NRG3: variants seen among roughly 807,000 people sequenced by gnomAD.
NRG3 encodes the protein pro-neuregulin-3, membrane-bound isoform.
NRG3 carries 31 observed loss-of-function variants against 66.9 expected under a neutral mutation model. The observed-to-expected ratio is 0.46, with a 90% CI of 0.35 to 0.63. The LOEUF (loss-of-function observed/expected upper bound fraction) is 0.63. Among genes scored for constraint, NRG3 ranks in the 20% least tolerant of loss-of-function variants. The pLI, the probability that NRG3 is intolerant of heterozygous loss-of-function variation, is 0.00. For missense variants in NRG3, 910 were observed against 878.9 expected, an observed-to-expected ratio of 1.04 and a Z score of -0.45; for synonymous variants, 393 against 359.4, an observed-to-expected ratio of 1.09 and a Z score of -1.06.
At chr10:82,715,800 C>G (rs2056935329) in intron 2 of NRG3, among the ~76,000 whole-genome samples, 1 of 152,094 alleles carries the variant, frequency 6.6e-6, no homozygotes, top group Non-Finnish European at 1.5e-5. Flanking sequence ...TTTTTTCTCA[C>G]AGTTCTGGAG....
intron 2 of NRG3, among the ~76,000 whole-genome samples, chr10:82,541,912 T>A (rs550079820): frequency 1.1e-3 from 175 of 152,334 alleles, no homozygotes; most frequent in African/African-American, 4.0e-3. Flanking sequence ...CCAGACTTTT[T>A]AAAAACATTT....
At chr10:82,847,379 T>C (rs2063354319) in intron 3 of NRG3, among the ~76,000 whole-genome samples, 1 of 152,160 alleles carries the variant, frequency 6.6e-6, no homozygotes, top group Non-Finnish European at 1.5e-5. Context: ...AGTAGGCAAA[T>C]AGCAATGTCT....
chr10:81,930,320 C>T (rs138521293), intron 1 of NRG3, among the ~76,000 whole-genome samples: 6 of 152,220 alleles, frequency 3.9e-5, no homozygotes, highest in Non-Finnish European at 5.9e-5. Context: ...CTTCCCATGA[C>T]GTTCCTGAAG....
At chr10:82,076,425 G>C (rs2065094668) in intron 1 of NRG3, among the ~76,000 whole-genome samples, 1 of 152,142 alleles carries the variant, frequency 6.6e-6, no homozygotes, top group Admixed American at 6.5e-5. Flanking sequence ...TTACTTTGTG[G>C]AGCAACAGAA....
At chr10:81,958,709 G>T (rs1381210622) in intron 1 of NRG3, among the ~76,000 whole-genome samples, 1 of 152,104 alleles carries the variant, frequency 6.6e-6, no homozygotes, top group African/African-American at 2.4e-5. Context: ...GGCCAATATG[G>T]TGAAATCCTG....
chr10:82,269,006 G>A (rs1379704795), intron 1 of NRG3, among the ~76,000 whole-genome samples: 1 of 151,946 alleles, frequency 6.6e-6, no homozygotes, highest in African/African-American at 2.4e-5. Context: ...AACATTGTCT[G>A]TATTCACCGT....
At chr10:82,432,800 C>T (rs1218513340) in intron 2 of NRG3, among the ~76,000 whole-genome samples, 5 of 152,172 alleles carry the variant, frequency 3.3e-5, no homozygotes, top group Admixed American at 6.6e-5. Flanking sequence ...TAATCTCATT[C>T]CTTTTTATGG....
chr10:82,179,781 G>T (rs1399095823), intron 1 of NRG3, among the ~76,000 whole-genome samples: 1 of 151,686 alleles, frequency 6.6e-6, no homozygotes, highest in Non-Finnish European at 1.5e-5. Context: ...GATTGCCTTG[G>T]GGTTTTGGAA....
intron 2 of NRG3, among the ~76,000 whole-genome samples, chr10:82,488,081 G>C (rs1003540134): frequency 7.2e-5 from 11 of 152,262 alleles, no homozygotes; most frequent in Non-Finnish European, 1.3e-4. Flanking sequence ...TTTGTATGGA[G>C]AGAATGGGAG....
chr10:82,920,918 A>G (rs971039195), intron 4 of NRG3, among the ~76,000 whole-genome samples: 1 of 152,106 alleles, frequency 6.6e-6, no homozygotes, highest in African/African-American at 2.4e-5. Context: ...AAATAGACAA[A>G]TCTCTCATGC....
At chr10:82,252,608 G>A (rs746295730) in intron 1 of NRG3, among the ~76,000 whole-genome samples, 8 of 152,176 alleles carry the variant, frequency 5.3e-5, no homozygotes, top group South Asian at 2.1e-4. Context: ...CTAATAAAAT[G>A]AGGATTTGGA....
chr10:82,885,083 T>C (rs764841929), intron 4 of NRG3, among the ~76,000 whole-genome samples: 2 of 152,216 alleles, frequency 1.3e-5, no homozygotes, highest in Non-Finnish European at 2.9e-5. Context: ...TTTGGCTTGA[T>C]GTTATAATAG....
intron 1 of NRG3, among the ~76,000 whole-genome samples, chr10:82,218,681 C>T (rs1024925365): frequency 6.6e-6 from 1 of 152,132 alleles, no homozygotes; most frequent in African/African-American, 2.4e-5. Context: ...CCCCACATAT[C>T]TTTCTTCTTC....
intron 1 of NRG3, among the ~76,000 whole-genome samples, chr10:82,205,882 T>C (rs1733836622): frequency 6.6e-6 from 1 of 152,194 alleles, no homozygotes; most frequent in Non-Finnish European, 1.5e-5. Context: ...TAGGATCACA[T>C]TTCATTTATG....
intron 2 of NRG3, among the ~76,000 whole-genome samples, chr10:82,728,968 G>A (rs1409101927): frequency 1.3e-5 from 2 of 150,082 alleles, no homozygotes; most frequent in African/African-American, 4.8e-5. Flanking sequence ...AGGAATAAGG[G>A]CAGTGTTTGT....
chr10:81,925,452 G>C (rs972706136), intron 1 of NRG3, among the ~76,000 whole-genome samples: 4 of 152,138 alleles, frequency 2.6e-5, no homozygotes, highest in African/African-American at 9.7e-5. Context: ...AGATATGTAT[G>C]GACTTGGATC....
intron 3 of NRG3, among the ~76,000 whole-genome samples, chr10:82,770,598 C>A (rs929052844): frequency 2.0e-5 from 3 of 152,058 alleles, no homozygotes; most frequent in African/African-American, 7.2e-5. Flanking sequence ...GAAAAGCCCT[C>A]AGATCAGAGG....
At chr10:82,779,510 G>A (rs1293466267) in intron 3 of NRG3, among the ~76,000 whole-genome samples, 2 of 152,106 alleles carry the variant, frequency 1.3e-5, no homozygotes, top group South Asian at 2.1e-4. Flanking sequence ...TTGGTGGAGA[G>A]GGATGAGAGT....
chr10:82,716,561 C>T lies in NRG3; in HGVS notation c.954-22016C>T, dbSNP rs564180884. On this transcript the variant is annotated intron_variant, in intron 2 of 8. Coordinates refer to ENST00000372141, the MANE Select transcript of NRG3 (RefSeq NM_001010848.4). ...AAAGGGTGCAGATATAGAGGATGTA[C>T]GGTGCCCTGCTGATAAGAACTAAAC... 2.6e-5 allele frequency among the ~76,000 whole-genome samples: 4 copies of T among 152,256 alleles called. No individual in the cohort carries two copies. The East Asian group carries it at 5.8e-4, about 22-fold the overall frequency.
Sources: gnomAD v4.1 joint callset for allele counts (sites outside exome capture counted in the v4.1 genomes callset) on GRCh38, gnomAD v4.1.1 for gene constraint, MANE v1.5 for transcripts, NCBI Gene and HGNC (gene_info 2026-07-23, HGNC 2026-07-21) for gene names.